The following RECQL variants were observed in gnomAD, a reference collection of about 807,000 sequenced individuals.
The protein encoded by RECQL is ATP-dependent DNA helicase Q1.
A neutral mutation model predicts 75.8 loss-of-function variants in RECQL; 73 were observed. The ratio of observed to expected loss-of-function variants is 0.96; its 90% CI spans 0.80 to 1.17. The LOEUF (loss-of-function observed/expected upper bound fraction) is 1.17, where lower values mean the gene tolerates loss of function less well. Ranked by LOEUF, RECQL falls within the 50% of genes most tolerant of loss-of-function variation. RECQL has a pLI of 0.00. For synonymous variants in RECQL, 248 were observed against 254.4 expected (o/e 0.97, Z 0.24); for missense variants, 699 against 772.1 (o/e 0.91, Z 1.12).
intron 10 of RECQL, 70 bp from the exon 11 acceptor site, chr12:21,475,049 G>C: frequency 1.3e-6 from 2 of 1,483,872 alleles, no homozygotes; most frequent in Non-Finnish European, 1.8e-6. Flanking sequence ...AATGACATAT[G>C]GTAAAATTAG....
Position 21,472,632 on chromosome 12 carries a change from A to C in RECQL, c.1447+919T>G, listed in dbSNP as rs556214958. On this transcript the variant is annotated intron_variant, in intron 12 of 14. Coordinates refer to ENST00000444129, the MANE Select transcript of RECQL (RefSeq NM_002907.4). ...AGTGGGAGTGTCTTACATCATGCAA[A>C]TACATTATATTTTCTAGTTCTAACT... 1.3e-4 allele frequency among the ~76,000 whole-genome samples: 20 copies of C among 152,180 alleles called. 1 individual carries two copies. The highest frequency in any genetic ancestry group is 4.6e-4 in the African/African-American group (19 of 41,522).
intron 10 of RECQL, among the ~76,000 whole-genome samples, chr12:21,475,260 A>G (rs1943060918): frequency 6.6e-6 from 1 of 152,102 alleles, no homozygotes; most frequent in Admixed American, 6.5e-5. Context: ...ACATCAAATT[A>G]TCTTAACACA....
In RECQL at chr12:21,491,708, CAGTT is replaced by C. The variant is rs775501025; in HGVS notation, c.21_24del (p.Thr8ArgfsTer6). ...TCACTGGTTATAGAATCCAGTTCCT[CAGTT>C]AGAGCTATGGGAGGCAGCGCGGATA... On this transcript the variant is annotated frameshift_variant, in exon 3 of 15. Transcript: ENST00000444129. LOFTEE classifies it high-confidence loss of function. 1 of 1,610,474 alleles carries C rather than the reference CAGTT, an allele frequency of 6.2e-7. No homozygotes were observed. Among genetic ancestry groups the C allele is most frequent in the African/African-American group, 1.3e-5 (1 of 74,688 alleles).
chr12:21,478,982 C>G (rs1388425859), intron 6 of RECQL, among the ~76,000 whole-genome samples: 1 of 152,174 alleles, frequency 6.6e-6, no homozygotes, highest in Non-Finnish European at 1.5e-5. Context: ...AAGTAGCTTA[C>G]CAGAGACCTT....
chr12:21,483,802 TA>T (rs1022695767), intron 5 of RECQL, among the ~76,000 whole-genome samples: 4 of 152,010 alleles, frequency 2.6e-5, no homozygotes, highest in South Asian at 2.1e-4. Context: ...TGTTGATGAC[TA>T]AAAAAAACTC....
intron 5 of RECQL, 115 bp from the exon 6 acceptor site, chr12:21,483,689 C>G (rs1228942926): frequency 4.2e-6 from 3 of 720,894 alleles, no homozygotes; most frequent in Non-Finnish European, 6.7e-6. Flanking sequence ...TTTGGCTCTT[C>G]TAGGAGCAGA....
chr12:21,485,968 T>C (rs1288674602), intron 5 of RECQL, among the ~76,000 whole-genome samples: 1 of 152,258 alleles, frequency 6.6e-6, no homozygotes, highest in East Asian at 1.9e-4. Context: ...AACTTCTTAA[T>C]AATTCATATT....
rs778148225 is a variant in RECQL at position 21,473,634 on chromosome 12, C to T, written c.1364G>A (p.Arg455His). ...SYCQNISKCR[R>H]VLMAQHFDEV... ...ATCAAAATGTTGAGCCATCAACACA[C>T]GACGACATCTGCAAACACATTTAAA... The change falls in exon 12 of 15, where the codon CGT becomes CAT. Residue 455 changes from arginine to histidine, a missense_variant. By Grantham distance (29) the Arg-to-His change is conservative. Around this residue, in one of 2 missense-constraint regions of RECQL, gnomAD observed 669 missense variants for 713.5 expected, o/e 0.94. Coordinates refer to ENST00000444129, the MANE Select transcript of RECQL (RefSeq NM_002907.4). 17 of 1,611,450 alleles carry T rather than the reference C, an allele frequency of 1.1e-5. No homozygotes were observed. The highest frequency in any genetic ancestry group is 2.7e-5 in the African/African-American group (2 of 74,806).
At chr12:21,486,608 T>C in intron 4 of RECQL, 23 bp from the exon 5 acceptor site, 1 of 1,228,452 alleles carries the variant, frequency 8.1e-7, no homozygotes, top group Admixed American at 2.3e-5. Flanking sequence ...AAAAAAAAAA[T>C]CTACCTTAAA....
intron 2 of RECQL, among the ~76,000 whole-genome samples, chr12:21,495,697 CCAGT>C (rs1943494774): frequency 6.6e-6 from 1 of 152,200 alleles, no homozygotes. Flanking sequence ...TGGTGATCCA[CCAGT>C]CAGAGTATAG....
intron 8 of RECQL, among the ~76,000 whole-genome samples, chr12:21,476,710 C>T (rs1266133088): frequency 6.6e-6 from 1 of 152,050 alleles, no homozygotes. Context: ...AATTTGACGA[C>T]TCATAATCTA....
Position 21,477,877 on chromosome 12 carries a change from C to T in RECQL, c.793G>A (p.Ala265Thr). 6.2e-7 allele frequency: 1 copy of T among 1,613,890 alleles called. No homozygotes were observed. The highest frequency in any genetic ancestry group is 8.5e-7 in the Non-Finnish European group (1 of 1,179,890). The change falls in exon 7 of 15, where the codon GCT becomes ACT. Residue 265 changes from alanine to threonine, a missense_variant. By Grantham distance (58) the Ala-to-Thr change is moderately conservative (BLOSUM62 0). Around this residue, in one of 2 missense-constraint regions of RECQL, gnomAD observed 669 missense variants for 713.5 expected, o/e 0.94. Coordinates refer to ENST00000444129, the MANE Select transcript of RECQL (RefSeq NM_002907.4). Reference protein sequence around the residue: ...ATATNHVLTDAQKILCIEKCF... With the variant: ...ATATNHVLTDTQKILCIEKCF... ...TTTTCAATGCACAAAATTTTCTGAG[C>T]ATCCGTCAAAACGTGATTTGTTGCA... is the stretch of plus-strand genomic sequence containing the variant.
chr12:21,479,300 T>G (rs1236093544), intron 6 of RECQL, among the ~76,000 whole-genome samples: 1 of 152,118 alleles, frequency 6.6e-6, no homozygotes, highest in Non-Finnish European at 1.5e-5. Flanking sequence ...TTCAACCAGT[T>G]GATTCTAAGC....
At chr12:21,495,087 C>T (rs1028768761) in intron 2 of RECQL, among the ~76,000 whole-genome samples, 2 of 152,174 alleles carry the variant, frequency 1.3e-5, no homozygotes, top group African/African-American at 4.8e-5. Flanking sequence ...GAATAGAAAG[C>T]TCTGATTCTG....
At chr12:21,500,066 G>A (rs975706342) in intron 1 of RECQL, among the ~76,000 whole-genome samples, 2 of 152,220 alleles carry the variant, frequency 1.3e-5, no homozygotes, top group African/African-American at 4.8e-5. Flanking sequence ...CTGGGAGGAT[G>A]GCAATCTTAT....
At chr12:21,471,704 T>C in intron 12 of RECQL, 57 bp from the exon 13 acceptor site, 2 of 1,370,610 alleles carry the variant, frequency 1.5e-6, no homozygotes, top group Middle Eastern at 1.8e-4. Context: ...AGGGCAAAGA[T>C]AGGCTATCTT....
intron 1 of RECQL, among the ~76,000 whole-genome samples, chr12:21,500,852 A>G (rs1474171876): frequency 6.6e-6 from 1 of 152,160 alleles, no homozygotes; most frequent in East Asian, 1.9e-4. Flanking sequence ...GACTCCTTTG[A>G]TTATGCGGTT....
In RECQL at chr12:21,482,539, GAAAGCC is replaced by G. The variant is rs1943211634; in HGVS notation, c.700+831_700+836del. ...TTAGTAGCCAAGCAGCAGGAATGGG[GAAAGCC>G]AAAGTCTAGATGAATCCAGCATCTC... On this transcript the variant is annotated intron_variant, in intron 6 of 14. Transcript: ENST00000444129. 2.6e-5 allele frequency among the ~76,000 whole-genome samples: 4 copies of G among 152,278 alleles called. No homozygotes were observed. The South Asian group carries it at 8.3e-4, about 32-fold the overall frequency.
At chr12:21,478,152 A>G (rs1185657000) in intron 6 of RECQL, among the ~76,000 whole-genome samples, 183 bp from the exon 7 acceptor site, 1 of 152,012 alleles carries the variant, frequency 6.6e-6, no homozygotes, top group East Asian at 1.9e-4. Context: ...TTTATTTCAG[A>G]CATTACTCTT....
Sources: allele counts gnomAD v4.1 joint callset (sites outside exome capture counted in the v4.1 genomes callset), GRCh38; gene constraint gnomAD v4.1.1; regional missense constraint gnomAD v4.1.1; transcripts MANE v1.5; gene names NCBI Gene and HGNC (gene_info 2026-07-23, HGNC 2026-07-21).